The following CCSER1 variants were observed in gnomAD, a reference collection of about 807,000 sequenced individuals.
CCSER1 encodes coiled-coil serine rich protein 1.
A neutral mutation model predicts 82.0 loss-of-function variants in CCSER1; 41 were observed. The observed-to-expected ratio is 0.50, with a 90% CI of 0.39 to 0.65. The LOEUF (loss-of-function observed/expected upper bound fraction) is 0.65. Ranked by LOEUF, CCSER1 falls within the 30% of genes least tolerant of loss-of-function variation. CCSER1 has a pLI of 0.00. For synonymous variants in CCSER1, 414 were observed against 383.9 expected (o/e 1.08, Z -0.92); for missense variants, 1,119 against 1,064.2 (o/e 1.05, Z -0.72).
chr4:90,186,012 A>G (rs1560762764), intron 1 of CCSER1, among the ~76,000 whole-genome samples: 1 of 151,990 alleles, frequency 6.6e-6, no homozygotes, highest in Non-Finnish European at 1.5e-5. Context: ...TTTCATGTTG[A>G]GTTACAAAAT....
intron 10 of CCSER1, among the ~76,000 whole-genome samples, chr4:91,454,854 G>C (rs1578499579): frequency 6.6e-6 from 1 of 151,796 alleles, no homozygotes; most frequent in South Asian, 2.1e-4. Flanking sequence ...AGTAGACACA[G>C]AAAATTCCCT....
At chr4:90,919,230 C>A (rs781706226) in intron 8 of CCSER1, among the ~76,000 whole-genome samples, 14 of 151,650 alleles carry the variant, frequency 9.2e-5, no homozygotes, top group Non-Finnish European at 1.9e-4. Context: ...TGATATGTTT[C>A]CTTGAATATG....
chr4:90,900,209 C>T (rs1486053723), intron 8 of CCSER1, among the ~76,000 whole-genome samples: 1 of 148,776 alleles, frequency 6.7e-6, no homozygotes, highest in Admixed American at 6.8e-5. Flanking sequence ...TGGTGCAGTT[C>T]CAGGAATTTA....
chr4:90,879,897 C>G (rs900525509), intron 8 of CCSER1, among the ~76,000 whole-genome samples: 4 of 152,078 alleles, frequency 2.6e-5, no homozygotes, highest in Admixed American at 1.3e-4. Flanking sequence ...AGTCAATAGA[C>G]TTATTTTCTG....
chr4:91,109,318 C>G (rs1725897658), intron 10 of CCSER1, among the ~76,000 whole-genome samples: 1 of 152,080 alleles, frequency 6.6e-6, no homozygotes, highest in Non-Finnish European at 1.5e-5. Flanking sequence ...ATGTATCAAT[C>G]TATCATGTAT....
At chr4:90,555,969 A>G (rs777464457) in intron 5 of CCSER1, among the ~76,000 whole-genome samples, 1 of 152,178 alleles carries the variant, frequency 6.6e-6, no homozygotes, top group Non-Finnish European at 1.5e-5. Context: ...ATTGGCATCC[A>G]TAATGTAGAC....
chr4:90,154,480 T>C (rs1727624639), intron 1 of CCSER1, among the ~76,000 whole-genome samples: 1 of 152,130 alleles, frequency 6.6e-6, no homozygotes, highest in African/African-American at 2.4e-5. Flanking sequence ...AGTATGGCCA[T>C]GTTCACGATA....
At chr4:90,837,878 A>G (rs1280418206) in intron 8 of CCSER1, among the ~76,000 whole-genome samples, 2 of 152,150 alleles carry the variant, frequency 1.3e-5, no homozygotes, top group Admixed American at 6.5e-5. Flanking sequence ...ATTATATGGG[A>G]CAGTGTTTAA....
intron 6 of CCSER1, among the ~76,000 whole-genome samples, chr4:90,672,422 C>T (rs935826985): frequency 1.3e-5 from 2 of 151,962 alleles, no homozygotes; most frequent in African/African-American, 4.8e-5. Flanking sequence ...AGTTTCCTCA[C>T]TTCTTTTAGC....
intron 1 of CCSER1, among the ~76,000 whole-genome samples, chr4:90,154,865 C>T: frequency 6.6e-6 from 1 of 151,774 alleles, no homozygotes; most frequent in East Asian, 1.9e-4. Flanking sequence ...ACTGAATACC[C>T]TTTATTTCCT....
At chr4:90,803,716 G>A (rs765348507) in intron 7 of CCSER1, among the ~76,000 whole-genome samples, 7 of 151,972 alleles carry the variant, frequency 4.6e-5, no homozygotes, top group Non-Finnish European at 8.8e-5. Context: ...TAATCCCTTG[G>A]GTATATATCT....
intron 6 of CCSER1, among the ~76,000 whole-genome samples, chr4:90,696,764 T>G (rs1271149863): frequency 3.3e-5 from 5 of 152,134 alleles, no homozygotes; most frequent in African/African-American, 1.2e-4. Context: ...TCTATTACTC[T>G]CCATTTCACA....
intron 10 of CCSER1, among the ~76,000 whole-genome samples, chr4:91,234,660 A>C (rs764626311): frequency 1.3e-5 from 2 of 152,176 alleles, no homozygotes; most frequent in Non-Finnish European, 2.9e-5. Context: ...TTGAGAATTT[A>C]TAGCAAGAAA....
chr4:90,832,558 C>T (rs1331899169), intron 8 of CCSER1, among the ~76,000 whole-genome samples: 1 of 151,758 alleles, frequency 6.6e-6, no homozygotes, highest in Non-Finnish European at 1.5e-5. Flanking sequence ...TCTTTGAGAT[C>T]CATAAAAAAA....
At chr4:90,864,591 CA>C (rs1464370265) in intron 8 of CCSER1, among the ~76,000 whole-genome samples, 1 of 151,988 alleles carries the variant, frequency 6.6e-6, no homozygotes, top group Non-Finnish European at 1.5e-5. Context: ...ACCATTCAGC[CA>C]AGTAAACTTC....
At chr4:90,805,899 T>G (rs1457964869) in intron 7 of CCSER1, among the ~76,000 whole-genome samples, 2 of 152,206 alleles carry the variant, frequency 1.3e-5, no homozygotes, top group African/African-American at 2.4e-5. Context: ...ATATGATTTC[T>G]AACTCAATAG....
chr4:91,080,385 A>T (rs575983249), intron 9 of CCSER1, among the ~76,000 whole-genome samples: 1 of 152,322 alleles, frequency 6.6e-6, no homozygotes, highest in East Asian at 1.9e-4. Flanking sequence ...CAAAGACACA[A>T]CACACCAGAA....
At chr4:91,448,666 T>G (rs1392258752) in intron 10 of CCSER1, among the ~76,000 whole-genome samples, 1 of 152,106 alleles carries the variant, frequency 6.6e-6, no homozygotes, top group Non-Finnish European at 1.5e-5. Context: ...ATTATTATGA[T>G]GATAAAAAGT....
At chr4:90,828,888 TAA>T (rs1760803825) in intron 8 of CCSER1, among the ~76,000 whole-genome samples, 1 of 152,156 alleles carries the variant, frequency 6.6e-6, no homozygotes, top group African/African-American at 2.4e-5. Context: ...GTCACATTAT[TAA>T]ATTATATAGA....
Sources: gnomAD v4.1 joint callset for allele counts (sites outside exome capture counted in the v4.1 genomes callset) on GRCh38, gnomAD v4.1.1 for gene constraint, MANE v1.5 for transcripts, NCBI Gene and HGNC (gene_info 2026-07-23, HGNC 2026-07-21) for gene names.